The following AOPEP variants were observed in gnomAD, a reference collection of about 807,000 sequenced individuals.
AOPEP encodes aminopeptidase O (putative).
A neutral mutation model predicts 98.1 loss-of-function variants in AOPEP; 77 were observed. That is an observed-to-expected ratio of 0.78 (90% CI 0.65 to 0.95). AOPEP has a LOEUF of 0.95. Ranked by LOEUF, AOPEP falls within the 40% of genes least tolerant of loss-of-function variation. The probability of loss-of-function intolerance (pLI) is 0.00; values close to 1 mark genes in which losing one functional copy is unlikely to be tolerated. For synonymous variants in AOPEP, 346 were observed against 365.3 expected, an observed-to-expected ratio of 0.95 and a Z score of 0.60; for missense variants, 1,024 against 1,024.7, an observed-to-expected ratio of 1.00 and a Z score of 0.01.
At chr9:94,850,382 T>C (rs1407284387) in intron 5 of AOPEP, among the ~76,000 whole-genome samples, 3 of 152,222 alleles carry the variant, frequency 2.0e-5, no homozygotes, top group African/African-American at 7.2e-5. Flanking sequence ...TTGGCTGTTA[T>C]AACCCATGGC....
chr9:94,936,054 C>T (rs550043876), intron 7 of AOPEP, among the ~76,000 whole-genome samples: 98 of 152,310 alleles, frequency 6.4e-4, no homozygotes, highest in Admixed American at 2.9e-3. Context: ...CTCCTCTTCT[C>T]CACCCCTAAT....
intron 5 of AOPEP, among the ~76,000 whole-genome samples, chr9:94,899,728 T>G (rs149732294): frequency 1.1e-4 from 16 of 151,980 alleles, no homozygotes; most frequent in African/African-American, 3.9e-4. Flanking sequence ...TCAGCCTAGG[T>G]GTCAGAGTGG....
the AOPEP span, among the ~76,000 whole-genome samples, chr9:95,118,351 A>T: frequency 6.6e-6 from 1 of 152,376 alleles, no homozygotes; most frequent in Admixed American, 6.5e-5. Flanking sequence ...ACAAAAGTGT[A>T]AAACTGTGCT....
rs928642787 is a variant in AOPEP at position 94,950,948 on chromosome 9, G to A, written c.1662-4229G>A. Among the ~76,000 whole-genome samples the A allele has an allele frequency of 3.3e-5, 5 of 152,196 alleles. No homozygotes were observed. In the South Asian group the frequency reaches 6.2e-4, roughly 19 times the overall value. Reference sequence around the variant, plus strand: ...GACCTTTCTTCAGGAGGCCCGATTCGAAATCAAATCATTATGTATCAAATA... The same window carrying A: ...GACCTTTCTTCAGGAGGCCCGATTCAAAATCAAATCATTATGTATCAAATA... On this transcript the variant is annotated intron_variant, in intron 7 of 16. Transcript: ENST00000375315.
chr9:94,904,786 G>A (rs1749956066), intron 5 of AOPEP: 1 of 152,170 alleles, frequency 6.6e-6, no homozygotes, highest in Admixed American at 6.5e-5. Flanking sequence ...ATCATAGCAC[G>A]TATTTCAGCT....
rs190757441 is a variant in AOPEP, at chr9:95,016,299, G to A, written c.2115+10683G>A. On this transcript the variant is annotated intron_variant, in intron 13 of 16. Coordinates refer to ENST00000375315, the MANE Select transcript of AOPEP (RefSeq NM_001193329.3). ...TCTCTATCGCCCAGGCTGGAGTGCAGTGGCGCGATCTTGGCCCACTGCAAC... is the reference window on the plus strand; with the variant it reads ...TCTCTATCGCCCAGGCTGGAGTGCAATGGCGCGATCTTGGCCCACTGCAAC... Among the ~76,000 whole-genome samples, 222 of 140,594 alleles carry A rather than the reference G, an allele frequency of 1.6e-3. 2 individuals carry two copies. Among genetic ancestry groups the A allele is most frequent in the African/African-American group, 5.6e-3 (212 of 37,906 alleles). The allele number at this position is 140,594 out of a possible 152,430, so 92.2% of individuals were successfully genotyped here. A position where few individuals can be genotyped will look rare whatever the true frequency, so the allele number is the denominator to read the frequency against.
intron 5 of AOPEP, among the ~76,000 whole-genome samples, chr9:94,802,343 G>A (rs1240911539): frequency 1.3e-5 from 2 of 152,080 alleles, no homozygotes; most frequent in Non-Finnish European, 2.9e-5. Flanking sequence ...GTTTTTTAAG[G>A]CATGTTTGCT....
chr9:94,825,377 G>A (rs144048671), intron 5 of AOPEP, among the ~76,000 whole-genome samples: 3 of 152,216 alleles, frequency 2.0e-5, no homozygotes, highest in African/African-American at 7.2e-5. Context: ...GTTGTCGAAG[G>A]CATCTCCAGG....
intron 7 of AOPEP, among the ~76,000 whole-genome samples, chr9:94,934,315 C>CTTTT (rs974551445): frequency 0.022 from 2,525 of 116,658 alleles, 52 homozygotes; most frequent in Admixed American, 0.036. Context: ...CTTCTCCCAT[C>CTTTT]TTTTTTTTTT....
chr9:94,861,175 A>G (rs2044921254), intron 5 of AOPEP, among the ~76,000 whole-genome samples: 1 of 152,172 alleles, frequency 6.6e-6, no homozygotes, highest in South Asian at 2.1e-4. Context: ...AGCTCTGGCC[A>G]AGGCAAATTG....
the AOPEP span, chr9:95,123,804 G>A: frequency 1.0e-5 from 7 of 693,808 alleles, no homozygotes; most frequent in Non-Finnish European, 1.9e-5. Context: ...CACAAGGACT[G>A]AACACCCCTA....
intron 6 of AOPEP, among the ~76,000 whole-genome samples, 192 bp from the exon 7 acceptor site, chr9:94,928,233 G>A (rs2054680824): frequency 6.6e-6 from 1 of 152,236 alleles, no homozygotes; most frequent in South Asian, 2.1e-4. Context: ...AGCAGCACAA[G>A]CGAGCGTGCA....
intron 1 of AOPEP, among the ~76,000 whole-genome samples, chr9:94,735,116 G>C (rs1831420580): frequency 6.6e-6 from 1 of 152,074 alleles, no homozygotes; most frequent in South Asian, 2.1e-4. Context: ...GGCAAGAGTT[G>C]GTTTAAGTAG....
chr9:94,779,527 C>T (rs1842839733), intron 3 of AOPEP, among the ~76,000 whole-genome samples: 1 of 152,126 alleles, frequency 6.6e-6, no homozygotes, highest in African/African-American at 2.4e-5. Flanking sequence ...ATTTCAAAAA[C>T]TATAGATCTA....
intron 5 of AOPEP, among the ~76,000 whole-genome samples, chr9:94,848,555 G>A (rs1243181229): frequency 6.6e-6 from 1 of 151,510 alleles, no homozygotes; most frequent in African/African-American, 2.4e-5. Flanking sequence ...CCGGGAGGCA[G>A]AAGTTGCAGT....
chr9:94,999,827 A>T (rs1353344858), intron 11 of AOPEP, among the ~76,000 whole-genome samples: 1 of 151,840 alleles, frequency 6.6e-6, no homozygotes, highest in African/African-American at 2.4e-5. Context: ...CTGTAGGTGT[A>T]TTTTTTTCTA....
At chr9:95,078,856 C>T (rs2069384106) in intron 14 of AOPEP, among the ~76,000 whole-genome samples, 1 of 152,252 alleles carries the variant, frequency 6.6e-6, no homozygotes, top group African/African-American at 2.4e-5. Context: ...CAGCTGGGCG[C>T]AGTTTCTTCT....
intron 5 of AOPEP, among the ~76,000 whole-genome samples, chr9:94,839,746 G>T (rs2042064063): frequency 6.6e-6 from 1 of 152,028 alleles, no homozygotes. Flanking sequence ...GACAGGAGTG[G>T]TAAGAGTGGA....
At chr9:95,053,550 G>A (rs2066568429) in intron 13 of AOPEP, among the ~76,000 whole-genome samples, 1 of 151,978 alleles carries the variant, frequency 6.6e-6, no homozygotes, top group Non-Finnish European at 1.5e-5. Context: ...GGCCTTAGGG[G>A]GTTATAAGTT....
Sources: gnomAD v4.1 joint callset for allele counts (sites outside exome capture counted in the v4.1 genomes callset) on GRCh38, gnomAD v4.1.1 for gene constraint, MANE v1.5 for transcripts, NCBI Gene and HGNC (gene_info 2026-07-23, HGNC 2026-07-21) for gene names.